The following FLT3 variants were observed in gnomAD, a reference collection of about 807,000 sequenced individuals.
FLT3 encodes the protein fms related receptor tyrosine kinase 3, also known as receptor-type tyrosine-protein kinase FLT3.
FLT3 carries 46 observed loss-of-function variants against 126.6 expected under a neutral mutation model. The ratio of observed to expected loss-of-function variants is 0.36; its 90% CI spans 0.29 to 0.46. The LOEUF is 0.46. Ranked by LOEUF, FLT3 falls within the 20% of genes least tolerant of loss-of-function variation. FLT3 has a pLI of 1.00. For synonymous variants in FLT3, 404 were observed against 434.4 expected, an observed-to-expected ratio of 0.93 and a Z score of 0.87; for missense variants, 1,069 against 1,190.3, an observed-to-expected ratio of 0.90 and a Z score of 1.50.
intron 9 of FLT3, among the ~76,000 whole-genome samples, chr13:28,041,425 AGC>A (rs1160080296): frequency 6.6e-6 from 1 of 152,194 alleles, no homozygotes; most frequent in Non-Finnish European, 1.5e-5. Context: ...GGCAGACCAA[AGC>A]AAAATGTTTC....
chr13:28,093,419 C>G (rs1879253929), intron 1 of FLT3, among the ~76,000 whole-genome samples: 1 of 152,116 alleles, frequency 6.6e-6, no homozygotes, highest in East Asian at 1.9e-4. Flanking sequence ...CAAAGTATCC[C>G]TTACACATTA....
intron 3 of FLT3, 31 bp from the exon 4 acceptor site, chr13:28,057,493 T>C: frequency 9.6e-7 from 1 of 1,041,510 alleles, no homozygotes; most frequent in Non-Finnish European, 1.5e-6. Flanking sequence ...CTAGTTATTT[T>C]GGAAAATGTG....
chr13:28,051,519 G>A (rs1239190294), intron 5 of FLT3, among the ~76,000 whole-genome samples: 6 of 144,874 alleles, frequency 4.1e-5, no homozygotes, highest in South Asian at 4.4e-4. Flanking sequence ...TTACAGGTGT[G>A]AGCCACTGTG....
In FLT3 at chr13:28,008,275, CAAAA is replaced by C. The variant is rs11409962; in HGVS notation, c.2860-4105_2860-4102del. Reference sequence around the variant, plus strand: ...GGCTGCAATGAGCAAGAACCTGTCTCAAAAAAAAAAAAAAAAAAAAAAGGAAAAA... The same window carrying C: ...GGCTGCAATGAGCAAGAACCTGTCTCAAAAAAAAAAAAAAAAAAGGAAAAA... On this transcript the variant is annotated intron_variant, in intron 23 of 23. Coordinates refer to ENST00000241453, the MANE Select transcript of FLT3 (RefSeq NM_004119.3). Among the ~76,000 whole-genome samples the C allele has an allele frequency of 1.7e-4, 15 of 87,100 alleles. No homozygotes were observed. In the East Asian group the frequency reaches 3.3e-3, roughly 19 times the overall value. The allele number at this position is 87,100 out of a possible 152,430, so 57.1% of individuals were successfully genotyped here.
At chr13:28,058,207 T>TAA (rs57780867) in intron 3 of FLT3, among the ~76,000 whole-genome samples, 13,963 of 127,574 alleles carry the variant, frequency 0.11, 2,070 homozygotes, top group African/African-American at 0.34. Flanking sequence ...TTTTAAAAAT[T>TAA]AAAAAAAAAA....
chr13:28,053,774 T>TC (rs1875759962), intron 4 of FLT3, among the ~76,000 whole-genome samples: 1 of 151,988 alleles, frequency 6.6e-6, no homozygotes, highest in African/African-American at 2.4e-5. Context: ...TTCATTTTTT[T>TC]TTTTACTGCT....
chr13:28,079,301 C>T (rs1878167242), intron 1 of FLT3, among the ~76,000 whole-genome samples: 1 of 152,182 alleles, frequency 6.6e-6, no homozygotes, highest in South Asian at 2.1e-4. Context: ...AGATAGACCA[C>T]CTCGGCTTGG....
intron 23 of FLT3, among the ~76,000 whole-genome samples, chr13:28,011,838 C>T (rs76968004): frequency 0.27 from 40,097 of 150,854 alleles, 5,429 homozygotes; most frequent in Non-Finnish European, 0.28. Context: ...CACTGTGTCA[C>T]CCAGGCTGGA....
In FLT3 at chr13:28,023,343, A is replaced by G; in HGVS notation, c.2418+7T>C. On this transcript the variant is annotated splice_region_variant and intron_variant, in intron 19 of 23. Coordinates refer to ENST00000241453, the MANE Select transcript of FLT3 (RefSeq NM_004119.3). ...TTTGGTTTGTTTTTTCTTTAAAAGGAGCATACCGACTTAAATTCCAGAAAT... is the reference window on the plus strand; with the variant it reads ...TTTGGTTTGTTTTTTCTTTAAAAGGGGCATACCGACTTAAATTCCAGAAAT... The G allele has an allele frequency of 6.2e-7, 1 of 1,610,144 alleles. No individual in the cohort carries two copies. The highest frequency in any genetic ancestry group is 8.5e-7 in the Non-Finnish European group (1 of 1,178,918).
chr13:28,064,239 G>A (rs1876815053), intron 2 of FLT3, among the ~76,000 whole-genome samples: 2 of 152,156 alleles, frequency 1.3e-5, no homozygotes, highest in Non-Finnish European at 1.5e-5. Context: ...GTAGACAACT[G>A]GGAAAAAGAA....
At chr13:28,022,830 G>A (rs1186334441) in intron 19 of FLT3, among the ~76,000 whole-genome samples, 2 of 152,188 alleles carry the variant, frequency 1.3e-5, no homozygotes, top group Non-Finnish European at 2.9e-5. Flanking sequence ...CATGGTTCAC[G>A]GCAGGCTCCA....
chr13:28,022,656 A>G (rs1872501359), intron 19 of FLT3, among the ~76,000 whole-genome samples: 1 of 152,142 alleles, frequency 6.6e-6, no homozygotes, highest in East Asian at 1.9e-4. Context: ...AATGAGGGGG[A>G]AGAATTTTGG....
chr13:28,064,355 A>C (rs1876829355), intron 2 of FLT3, among the ~76,000 whole-genome samples: 1 of 152,106 alleles, frequency 6.6e-6, no homozygotes, highest in Non-Finnish European at 1.5e-5. Flanking sequence ...TGGGCGGATC[A>C]CAAGGTCAGG....
chr13:28,027,363 A>G (rs1334263430), intron 16 of FLT3, 122 bp from the exon 17 acceptor site: 16 of 634,542 alleles, frequency 2.5e-5, no homozygotes, highest in Non-Finnish European at 4.1e-5. Flanking sequence ...GGACAGTACA[A>G]CTTTTTCTGA....
At chr13:28,085,357 A>G (rs1878606605) in intron 1 of FLT3, among the ~76,000 whole-genome samples, 1 of 151,392 alleles carries the variant, frequency 6.6e-6, no homozygotes, top group African/African-American at 2.4e-5. Context: ...AAAAAAAAAA[A>G]AAAAAAAAAA....
chr13:28,029,904 A>G (rs2491218), intron 15 of FLT3, among the ~76,000 whole-genome samples: 94,827 of 152,172 alleles, frequency 0.62, 32,821 homozygotes, highest in Non-Finnish European at 0.77. Context: ...GAGGAAAGTC[A>G]CTATGGAATC....
intron 4 of FLT3, among the ~76,000 whole-genome samples, chr13:28,054,168 T>G (rs1327349716): frequency 6.6e-6 from 1 of 152,198 alleles, no homozygotes; most frequent in East Asian, 1.9e-4. Flanking sequence ...GATCATTTGT[T>G]TTCCAAAGTG....
At position 28,053,337 on chromosome 13, in the gene FLT3, T is replaced by C. The variant is rs370589625; in HGVS notation, c.485-663A>G. Among the ~76,000 whole-genome samples the C allele has an allele frequency of 1.2e-4, 18 of 150,682 alleles. 1 individual carries two copies. The highest frequency in any genetic ancestry group is 9.2e-4 in the Admixed American group (14 of 15,142). On this transcript the variant is annotated intron_variant, in intron 4 of 23. Coordinates refer to ENST00000241453, the MANE Select transcript of FLT3 (RefSeq NM_004119.3). Reference sequence around the variant, plus strand: ...TTTTTTTTTAAAGAAAGTTTCCCTATACTGAATTCCAGCCTCTCTCCTTAC... The same window carrying C: ...TTTTTTTTTAAAGAAAGTTTCCCTACACTGAATTCCAGCCTCTCTCCTTAC...
At chr13:28,029,429 T>C (rs886769652) in intron 15 of FLT3, among the ~76,000 whole-genome samples, 1 of 149,182 alleles carries the variant, frequency 6.7e-6, no homozygotes, top group Non-Finnish European at 1.5e-5. Flanking sequence ...ACAAAGACTA[T>C]AGTATAAATG....
Sources: allele counts gnomAD v4.1 joint callset (sites outside exome capture counted in the v4.1 genomes callset), GRCh38; gene constraint gnomAD v4.1.1; transcripts MANE v1.5; gene names NCBI Gene and HGNC (gene_info 2026-07-23, HGNC 2026-07-21).